TTC39B: variants seen among roughly 807,000 people sequenced by gnomAD.
TTC39B encodes the protein tetratricopeptide repeat protein 39B.
Under a neutral mutation model 96.6 loss-of-function variants are expected in TTC39B, and 92 were observed. The ratio of observed to expected loss-of-function variants is 0.95; its 90% CI spans 0.80 to 1.13. The LOEUF (loss-of-function observed/expected upper bound fraction) is 1.13. Ranked by LOEUF, TTC39B falls within the 50% of genes most tolerant of loss-of-function variation. The pLI, the probability that TTC39B is intolerant of heterozygous loss-of-function variation, is 0.00. For missense variants in TTC39B, 955 were observed against 809.3 expected, an observed-to-expected ratio of 1.18 and a Z score of -2.18; for synonymous variants, 367 against 299.4, an observed-to-expected ratio of 1.23 and a Z score of -2.33.
intron 9 of TTC39B, among the ~76,000 whole-genome samples, chr9:15,192,184 C>T (rs753372401): frequency 3.9e-5 from 6 of 152,188 alleles, no homozygotes; most frequent in Non-Finnish European, 7.3e-5. Context: ...TGGAATTTGA[C>T]AGATTACTAC....
At position 15,210,079 on chromosome 9, in the gene TTC39B, G is replaced by A. The variant is rs763981072; in HGVS notation, c.691+9C>T. On this transcript the variant is annotated intron_variant, in intron 6 of 19. Transcript: ENST00000512701. ...CAAGGAAAAAAGTGATCTTTTAAATGACTTTTACCTTCACTCAGTTGCTCC... is the reference window on the plus strand; with the variant it reads ...CAAGGAAAAAAGTGATCTTTTAAATAACTTTTACCTTCACTCAGTTGCTCC... 5.7e-6 allele frequency: 9 copies of A among 1,577,616 alleles called. No homozygotes were observed. The highest frequency in any genetic ancestry group is 1.9e-5 in the Admixed American group (1 of 53,736).
chr9:15,189,723 A>G lies in TTC39B; in HGVS notation c.1173+2T>C. 1 of 1,614,070 alleles carries G rather than the reference A, an allele frequency of 6.2e-7. No individual in the cohort carries two copies. Among genetic ancestry groups the G allele is most frequent in the African/African-American group, 1.3e-5 (1 of 75,062 alleles). On this transcript the variant is annotated splice_donor_variant, in intron 12 of 19. Transcript: ENST00000512701. LOFTEE classifies it high-confidence loss of function. ...ACATACACTTTGAAATACTGAGCGT[A>G]CATTTGGAAACTGCTGGAGGAAGGG...
intron 1 of TTC39B, among the ~76,000 whole-genome samples, chr9:15,288,915 C>T (rs1396688498): frequency 1.3e-5 from 2 of 152,224 alleles, no homozygotes; most frequent in Non-Finnish European, 2.9e-5. Flanking sequence ...GTCACACATC[C>T]CATGAGGGGA....
chr9:15,230,714 G>T (rs1586922137), intron 2 of TTC39B, among the ~76,000 whole-genome samples: 1 of 152,142 alleles, frequency 6.6e-6, no homozygotes, highest in Non-Finnish European at 1.5e-5. Context: ...AGGCATGGTG[G>T]CTCACTCCTG....
chr9:15,202,238 C>A (rs932372488), intron 7 of TTC39B, among the ~76,000 whole-genome samples: 1 of 152,146 alleles, frequency 6.6e-6, no homozygotes. Flanking sequence ...AAAACTTGGG[C>A]CTCCATGACT....
chr9:15,213,183 G>A (rs1226714159), intron 4 of TTC39B, among the ~76,000 whole-genome samples: 1 of 152,006 alleles, frequency 6.6e-6, no homozygotes, highest in Non-Finnish European at 1.5e-5. Context: ...GAGAGGGAAA[G>A]ACAAGCAGAC....
intron 15 of TTC39B, among the ~76,000 whole-genome samples, chr9:15,185,756 C>T (rs1588858782): frequency 6.6e-6 from 1 of 152,142 alleles, no homozygotes; most frequent in Non-Finnish European, 1.5e-5. Flanking sequence ...GCGATTTCTA[C>T]GAGTAAGCAG....
intron 1 of TTC39B, among the ~76,000 whole-genome samples, chr9:15,285,872 C>T (rs893754410): frequency 6.6e-6 from 1 of 152,100 alleles, no homozygotes; most frequent in African/African-American, 2.4e-5. Flanking sequence ...AAAGAATATA[C>T]AAAGGACACC....
intron 13 of TTC39B, among the ~76,000 whole-genome samples, chr9:15,188,600 C>G (rs616584): frequency 0.015 from 2,211 of 151,986 alleles, 62 homozygotes; most frequent in African/African-American, 0.05. Flanking sequence ...ATAGGCAAAT[C>G]AGAAAAAAAT....
intron 2 of TTC39B, among the ~76,000 whole-genome samples, chr9:15,239,919 A>G (rs1821964681): frequency 6.6e-6 from 1 of 152,220 alleles, no homozygotes; most frequent in African/African-American, 2.4e-5. Context: ...TTTAAAAATA[A>G]AAAATGGTAT....
At chr9:15,229,715 C>T (rs1403578852) in intron 2 of TTC39B, among the ~76,000 whole-genome samples, 2 of 152,184 alleles carry the variant, frequency 1.3e-5, no homozygotes, top group Non-Finnish European at 2.9e-5. Flanking sequence ...AGGTCTGTTT[C>T]TGGGCATTCT....
chr9:15,247,710 T>C (rs1822341796), intron 2 of TTC39B, among the ~76,000 whole-genome samples: 1 of 152,178 alleles, frequency 6.6e-6, no homozygotes, highest in Non-Finnish European at 1.5e-5. Context: ...ATATGTGCTG[T>C]TAACAGGTGG....
intron 1 of TTC39B, among the ~76,000 whole-genome samples, chr9:15,285,274 GA>G (rs569294561): frequency 7.2e-4 from 92 of 127,806 alleles, no homozygotes; most frequent in East Asian, 1.4e-3. Flanking sequence ...GTCTCAAAAA[GA>G]AAAAAAAAAA....
At chr9:15,228,070 A>C (rs1054567034) in intron 2 of TTC39B, among the ~76,000 whole-genome samples, 3 of 152,162 alleles carry the variant, frequency 2.0e-5, no homozygotes, top group Non-Finnish European at 2.9e-5. Context: ...TTTTTAAAAA[A>C]ACACATCTTT....
Position 15,253,256 on chromosome 9 carries a change from C to T in TTC39B, c.275+14658G>A, listed in dbSNP as rs1486413632. ...GGGTTATTTGAGTGGGCCCTAAAGG[C>T]AATCACAAATTTCCTTACAAGAGGG... On this transcript the variant is annotated intron_variant, in intron 2 of 19. Transcript: ENST00000512701. Among the ~76,000 whole-genome samples the T allele has an allele frequency of 2.6e-5, 4 of 152,214 alleles. No individual in the cohort carries two copies. The East Asian group carries it at 5.8e-4, about 22-fold the overall frequency.
exon 20 of TTC39B, chr9:15,170,072 C>T (rs898507343): frequency 6.6e-6 from 1 of 152,070 alleles, no homozygotes; most frequent in African/African-American, 2.4e-5. Flanking sequence ...AAGCTATACA[C>T]AAATAATTTT....
Position 15,198,478 on chromosome 9 carries a change from A to C in TTC39B, c.824+1383T>G, listed in dbSNP as rs927150724. ...GTCGCAAAAATATATATATATATAT[A>C]TATATATATCATAAAGGGCAAAATG... On this transcript the variant is annotated intron_variant, in intron 8 of 19. Coordinates refer to ENST00000512701, the Ensembl canonical transcript of TTC39B. Among the ~76,000 whole-genome samples the C allele has an allele frequency of 3.2e-3, 479 of 148,252 alleles. 1 individual carries two copies. The highest frequency in any genetic ancestry group is 0.011 in the African/African-American group (451 of 40,054).
chr9:15,265,354 C>T (rs555349126), intron 2 of TTC39B, among the ~76,000 whole-genome samples: 1 of 152,300 alleles, frequency 6.6e-6, no homozygotes, highest in East Asian at 1.9e-4. Context: ...GAGACCCGTC[C>T]TCCTCTGTGA....
intron 7 of TTC39B, 32 bp downstream of exon 7, chr9:15,203,791 C>G (rs952441621): frequency 1.3e-5 from 20 of 1,589,448 alleles, no homozygotes; most frequent in Non-Finnish European, 1.3e-5. Context: ...GTCTTCCCAG[C>G]CAATACGAAT....
Sources: allele counts gnomAD v4.1 joint callset (sites outside exome capture counted in the v4.1 genomes callset), GRCh38; gene constraint gnomAD v4.1.1; transcripts MANE v1.5; gene names NCBI Gene and HGNC (gene_info 2026-07-23, HGNC 2026-07-21).